The following SPATA21 variants were observed in gnomAD, a reference collection of about 807,000 sequenced individuals.
SPATA21 encodes spermatogenesis-associated protein 21.
A neutral mutation model predicts 54.8 loss-of-function variants in SPATA21; 47 were observed. The ratio of observed to expected loss-of-function variants is 0.86; its 90% CI spans 0.68 to 1.09. The LOEUF (loss-of-function observed/expected upper bound fraction) is 1.09, where lower values mean the gene tolerates loss of function less well. Among genes scored for constraint, SPATA21 ranks in the 50% least tolerant of loss-of-function variants. SPATA21 has a pLI of 0.00. For missense variants in SPATA21, 599 were observed against 596.4 expected (o/e 1.00, Z -0.05); for synonymous variants, 245 against 235.3 (o/e 1.04, Z -0.38).
downstream of SPATA21, chr1:16,395,984 T>C (rs1347532518): frequency 7.2e-5 from 11 of 152,602 alleles, no homozygotes; most frequent in Non-Finnish European, 4.4e-5. Flanking sequence ...TTTTGGGAGA[T>C]AGGGAAAGTG....
At position 16,398,778 on chromosome 1, in the gene SPATA21, G is replaced by GC; in HGVS notation, c.1396dup (p.Ala466GlyfsTer40). 2 of 1,613,888 alleles carry GC rather than the reference G, an allele frequency of 1.2e-6. No individual in the cohort carries two copies. The highest frequency in any genetic ancestry group is 1.7e-6 in the Non-Finnish European group (2 of 1,179,818). On this transcript the variant is annotated frameshift_variant, in exon 13 of 13. Coordinates refer to ENST00000335496, the MANE Select transcript of SPATA21 (RefSeq NM_198546.1). LOFTEE classifies it high-confidence loss of function. ...GCCTCCAGAGGGTCAGTGGGTTCGA[G>GC]CTGGCACAGAGCTGAGCCACTTTCT...
chr1:16,427,936 C>T, intron 3 of SPATA21: 1 of 1,550,332 alleles, frequency 6.5e-7, no homozygotes, highest in Non-Finnish European at 8.7e-7. Context: ...ATCTCTGAGT[C>T]TGGGCCCCTT....
At chr1:16,408,256 G>A (rs989326503) in intron 7 of SPATA21, among the ~76,000 whole-genome samples, 3 of 152,184 alleles carry the variant, frequency 2.0e-5, no homozygotes, top group Admixed American at 2.0e-4. Flanking sequence ...GGGGGAGTGG[G>A]GTCACAGGGC....
chr1:16,427,754 T>A lies in SPATA21; in HGVS notation c.34+3584A>T, dbSNP rs1384818783. 34 of 1,196,204 alleles carry A rather than the reference T, an allele frequency of 2.8e-5. No individual in the cohort carries two copies. The Middle Eastern group carries it at 1.3e-3, about 46-fold the overall frequency. 74.1% of individuals were successfully genotyped at this position (1,196,204 alleles called of 1,614,324 possible). On this transcript the variant is annotated intron_variant, in intron 3 of 12. Transcript: ENST00000335496. ...GAAAGAGAAGGACAAGGTGCTGTCG[T>A]GGGTGGAGCTGCCTTGGCCTGGGAG...
Position 16,428,999 on chromosome 1 carries a change from A to G in SPATA21, c.34+2339T>C, listed in dbSNP as rs1450028148. Among the ~76,000 whole-genome samples the G allele has an allele frequency of 1.3e-5, 2 of 152,162 alleles. No homozygotes were observed. The highest frequency in any genetic ancestry group is 2.9e-5 in the Non-Finnish European group (2 of 68,030). ...CCCCATGACGGTGCTTGTTGAAAAA[A>G]TAAATGGGTGGATGAAGGAAGCCCT... On this transcript the variant is annotated intron_variant, in intron 3 of 12. Transcript: ENST00000335496. This position sits in a 1 kb window ranked among gnomAD's most constrained non-coding sequence, Gnocchi z 4.3.
At position 16,409,291 on chromosome 1, in the gene SPATA21, G is replaced by A. The variant is rs1029509817; in HGVS notation, c.588-88C>T. On this transcript the variant is annotated intron_variant, in intron 6 of 12. Coordinates refer to ENST00000335496, the MANE Select transcript of SPATA21 (RefSeq NM_198546.1). The surrounding 1 kb of genome is among the most constrained non-coding windows in gnomAD (Gnocchi z 4.1). ...GGAGGGGTTGGGGGAGCCTGCAGGAGGAGGTCGTGGGGGAGGCTTTGGGGA... is the reference window on the plus strand; with the variant it reads ...GGAGGGGTTGGGGGAGCCTGCAGGAAGAGGTCGTGGGGGAGGCTTTGGGGA... The A allele has an allele frequency of 6.1e-5, 88 of 1,437,204 alleles. No individual in the cohort carries two copies. In the East Asian group the frequency reaches 7.2e-4, roughly 12 times the overall value. 89.0% of individuals were successfully genotyped at this position (1,437,204 alleles called of 1,614,324 possible).
Position 16,401,868 on chromosome 1 carries a change from T to C in SPATA21, c.1002-976A>G, listed in dbSNP as rs139435438. On this transcript the variant is annotated intron_variant, in intron 10 of 12. Coordinates refer to ENST00000335496, the MANE Select transcript of SPATA21 (RefSeq NM_198546.1). ...CCGCTAGACTACAACATCATTCATTTAGTAAGTATTCACTGAATGTTCACT... is the reference window on the plus strand; with the variant it reads ...CCGCTAGACTACAACATCATTCATTCAGTAAGTATTCACTGAATGTTCACT... Among the ~76,000 whole-genome samples the C allele has an allele frequency of 2.0e-3, 307 of 152,298 alleles. 1 individual carries two copies. Among genetic ancestry groups the C allele is most frequent in the African/African-American group, 7.0e-3 (293 of 41,562 alleles).
chr1:16,405,891 C>T (rs1328305084), intron 7 of SPATA21, among the ~76,000 whole-genome samples: 1 of 152,212 alleles, frequency 6.6e-6, no homozygotes, highest in Non-Finnish European at 1.5e-5. Context: ...CTCTGAGCCT[C>T]AGTTTCCCCA....
In SPATA21 at chr1:16,399,345, T is replaced by C; in HGVS notation, c.1351A>G (p.Arg451Gly). The change falls in exon 12 of 13, where the codon AGG becomes GGG. Residue 451 changes from arginine (R) to glycine (G), a missense_variant and splice_region_variant. Physicochemically the swap from Arg to Gly is moderately radical, Grantham distance 125. Transcript: ENST00000335496. Reference sequence around the variant, plus strand: ...GGGACCCTTTCTCTGGGCACCCACCTGTTTCCTTGAGATCCTGACTGGAAG... The same window carrying C: ...GGGACCCTTTCTCTGGGCACCCACCCGTTTCCTTGAGATCCTGACTGGAAG... ...PFFQSGSQGN[R>G]EHNSDSRKWL... 1 of 1,609,416 alleles carries C rather than the reference T, an allele frequency of 6.2e-7. No homozygotes were observed. The highest frequency in any genetic ancestry group is 8.5e-7 in the Non-Finnish European group (1 of 1,177,234).
chr1:16,435,467 C>T (rs12064418), intron 1 of SPATA21, among the ~76,000 whole-genome samples: 29,152 of 151,872 alleles, frequency 0.19, 3,111 homozygotes, highest in African/African-American at 0.27. Context: ...CAGGTGTGTG[C>T]CACCACACCA....
At chr1:16,422,010 G>C in intron 3 of SPATA21, 39 bp from the exon 4 acceptor site, 1 of 1,614,128 alleles carries the variant, frequency 6.2e-7, no homozygotes, top group Non-Finnish European at 8.5e-7. Context: ...TGCTTCCTGA[G>C]AGCTGTCCCC....
chr1:16,419,507 G>C (rs1336152269), intron 5 of SPATA21, among the ~76,000 whole-genome samples: 1 of 152,208 alleles, frequency 6.6e-6, no homozygotes, highest in East Asian at 1.9e-4. Context: ...TTTGAGCTGG[G>C]TTGCATGAGC....
chr1:16,409,553 A>T lies in SPATA21; in HGVS notation c.587+48T>A. On this transcript the variant is annotated intron_variant, in intron 6 of 12. Coordinates refer to ENST00000335496, the MANE Select transcript of SPATA21 (RefSeq NM_198546.1). This position sits in a 1 kb window ranked among gnomAD's most constrained non-coding sequence, Gnocchi z 4.1. ...GACCTGCATCCGGGACAAGGCTCTG[A>T]TCTTGGGGCCTTTCAGGAGCGGGCG... The T allele has an allele frequency of 6.4e-7, 1 of 1,568,662 alleles. No homozygotes were observed. The highest frequency in any genetic ancestry group is 8.6e-7 in the Non-Finnish European group (1 of 1,158,502).
rs1401341714 is a variant in SPATA21 at position 16,400,578 on chromosome 1, T to C, written c.1174+142A>G. 14 of 1,480,158 alleles carry C rather than the reference T, an allele frequency of 9.5e-6. No individual in the cohort carries two copies. In the Admixed American group the frequency reaches 1.4e-4, roughly 15 times the overall value. The allele number at this position is 1,480,158 out of a possible 1,614,324, so 91.7% of individuals were successfully genotyped here. A position where few individuals can be genotyped will look rare whatever the true frequency, so the allele number is the denominator to read the frequency against. On this transcript the variant is annotated intron_variant, in intron 11 of 12. Coordinates refer to ENST00000335496, the MANE Select transcript of SPATA21 (RefSeq NM_198546.1). ...TAGTGATTATCAGCCTGTTTTCTGA[T>C]GTACACAGTTAAGCCCGAAGTGGGA...
intron 3 of SPATA21, chr1:16,425,621 C>G (rs1357008944): frequency 3.2e-6 from 5 of 1,550,304 alleles, no homozygotes; most frequent in Non-Finnish European, 4.4e-6. Flanking sequence ...CTGCTGCAGC[C>G]CTTCAGGTAC....
At chr1:16,429,220 C>T (rs762116419) in intron 3 of SPATA21, among the ~76,000 whole-genome samples, 1 of 151,652 alleles carries the variant, frequency 6.6e-6, no homozygotes, top group Non-Finnish European at 1.5e-5. Flanking sequence ...CCAGGCAGGC[C>T]TCGAACTCCT....
chr1:16,399,933 A>G (rs375557294), intron 11 of SPATA21, among the ~76,000 whole-genome samples: 3 of 152,146 alleles, frequency 2.0e-5, no homozygotes, highest in Non-Finnish European at 4.4e-5. Context: ...CAGTGGAAAG[A>G]GCATAGATTT....
At position 16,403,723 on chromosome 1, in the gene SPATA21, T is replaced by C. The variant is rs766007980; in HGVS notation, c.1001+4A>G. The stretch of plus-strand genomic sequence containing the variant: ...CTTCACCCCCAACAACCGGCCCCAC[T>C]CACTTTGTGATTTCCTCTAAGACTG... On this transcript the variant is annotated splice_donor_region_variant and intron_variant, in intron 10 of 12. Transcript: ENST00000335496. 1.2e-6 allele frequency: 2 copies of C among 1,612,122 alleles called. No homozygotes were observed. Among genetic ancestry groups the C allele is most frequent in the East Asian group, 2.2e-5 (1 of 44,870 alleles).
At chr1:16,437,492 G>T (rs1264844705), upstream of SPATA21, 1 of 152,132 alleles carries the variant, frequency 6.6e-6, no homozygotes, top group Non-Finnish European at 1.5e-5. Flanking sequence ...TTGGGCCAGG[G>T]TACTCTCTCC....
Sources: allele counts gnomAD v4.1 joint callset (sites outside exome capture counted in the v4.1 genomes callset), GRCh38; gene constraint gnomAD v4.1.1; non-coding constraint Gnocchi (gnomAD v3.1); transcripts MANE v1.5; gene names NCBI Gene and HGNC (gene_info 2026-07-23, HGNC 2026-07-21).